Variants in EYS observed in about 807,000 individuals in gnomAD.
EYS encodes EGF-like photoreceptor maintenance factor, also known as protein eyes shut homolog.
Under a neutral mutation model 282.1 loss-of-function variants are expected in EYS, and 250 were observed. The observed-to-expected ratio is 0.89, with a 90% CI of 0.80 to 0.98. The LOEUF (loss-of-function observed/expected upper bound fraction) is 0.98. Among genes scored for constraint, EYS ranks in the 50% least tolerant of loss-of-function variants. The pLI, the probability that EYS is intolerant of heterozygous loss-of-function variation, is 0.00. For synonymous variants in EYS, 1,355 were observed against 1,282.9 expected (o/e 1.06, Z -1.20); for missense variants, 4,016 against 3,709.0 (o/e 1.08, Z -2.15).
In EYS at chr6:63,923,103, T is replaced by C. The variant is rs188053816; in HGVS notation, c.7056-58745A>G. Among the ~76,000 whole-genome samples, 30 of 152,332 alleles carry C rather than the reference T, an allele frequency of 2.0e-4. 1 individual carries two copies. The East Asian group carries it at 5.8e-3, about 29-fold the overall frequency. On this transcript the variant is annotated intron_variant, in intron 35 of 42. Coordinates refer to ENST00000503581, the MANE Select transcript of EYS (RefSeq NM_001142800.2). ...TAATGTTTCAGTCTGAAAGATGCCA[T>C]AGGCTGTTATAGGATGCTGTAAAAA...
intron 31 of EYS, among the ~76,000 whole-genome samples, chr6:64,140,465 C>T (rs1180416749): frequency 6.6e-6 from 1 of 152,146 alleles, no homozygotes; most frequent in Non-Finnish European, 1.5e-5. Flanking sequence ...TCTATTTCCA[C>T]CTGCCTCTCA....
At chr6:64,300,314 C>G (rs1187384040) in intron 30 of EYS, among the ~76,000 whole-genome samples, 1 of 152,146 alleles carries the variant, frequency 6.6e-6, no homozygotes, top group Admixed American at 6.5e-5. Context: ...AAAAGCAGCA[C>G]CTAGGCAAGT....
chr6:64,452,533 A>G (rs1173792831), intron 26 of EYS, among the ~76,000 whole-genome samples: 2 of 152,166 alleles, frequency 1.3e-5, no homozygotes, highest in Non-Finnish European at 2.9e-5. Flanking sequence ...GGAACCAAAA[A>G]AGAGCCCGCA....
intron 35 of EYS, among the ~76,000 whole-genome samples, chr6:63,963,121 A>C (rs1343929931): frequency 9.0e-6 from 1 of 111,284 alleles, no homozygotes; most frequent in Non-Finnish European, 1.9e-5. Flanking sequence ...GGGTGGGGGG[A>C]AGGGGGAGGC....
rs186479393 is a variant in EYS, at chr6:65,127,818, T to C, written c.2024-70091A>G. On this transcript the variant is annotated intron_variant, in intron 12 of 42. Transcript: ENST00000503581. ...GGGTGATGGGCTAAGACCTCATATA[T>C]TAAATATGTACAGAAAAAAATGTGT... Among the ~76,000 whole-genome samples the C allele has an allele frequency of 3.2e-4, 49 of 152,202 alleles. No individual in the cohort carries two copies. The East Asian group carries it at 8.3e-3, about 26-fold the overall frequency.
At chr6:65,623,712 T>A (rs77923693) in intron 2 of EYS, among the ~76,000 whole-genome samples, 1 of 152,322 alleles carries the variant, frequency 6.6e-6, no homozygotes, top group Non-Finnish European at 1.5e-5. Flanking sequence ...AACATGGAAT[T>A]ATTTTGTGAA....
intron 28 of EYS, among the ~76,000 whole-genome samples, chr6:64,432,063 T>C (rs1774591243): frequency 6.6e-6 from 1 of 152,132 alleles, no homozygotes; most frequent in African/African-American, 2.4e-5. Context: ...TGACTGTACA[T>C]AAACATAGCT....
intron 19 of EYS, among the ~76,000 whole-genome samples, chr6:64,860,488 G>C (rs1022340945): frequency 6.6e-6 from 1 of 152,246 alleles, no homozygotes. Context: ...CTGTGTGGTT[G>C]TGACTGGGCC....
intron 2 of EYS, among the ~76,000 whole-genome samples, chr6:65,597,875 C>A (rs941042005): frequency 6.6e-6 from 1 of 151,872 alleles, no homozygotes; most frequent in Admixed American, 6.6e-5. Flanking sequence ...TCAAGGCGGG[C>A]AGATCACTCG....
At chr6:65,410,798 G>C (rs1326481895) in intron 5 of EYS, among the ~76,000 whole-genome samples, 3 of 151,562 alleles carry the variant, frequency 2.0e-5, no homozygotes, top group Non-Finnish European at 2.9e-5. Flanking sequence ...ATCAACCTAA[G>C]TGTTCAACAA....
intron 41 of EYS, among the ~76,000 whole-genome samples, chr6:63,731,321 T>C (rs1561999228): frequency 6.6e-6 from 1 of 152,212 alleles, no homozygotes; most frequent in Non-Finnish European, 1.5e-5. Context: ...CGTGTGAATA[T>C]TGGCCATTTG....
rs3033931 is a variant in EYS, at chr6:64,989,799, TACACACACACAC to T, written c.2259+7771_2259+7782del. On this transcript the variant is annotated intron_variant, in intron 14 of 42. Transcript: ENST00000503581. ...ATATATAACATAGAATATATATTCA[TACACACACACAC>T]ACACACACACACACACACACACTCA... 4.7e-3 allele frequency among the ~76,000 whole-genome samples: 659 copies of T among 140,148 alleles called. 9 individuals are homozygous for T. Among genetic ancestry groups the T allele is most frequent in the African/African-American group, 0.016 (612 of 38,562 alleles). The allele number at this position is 140,148 out of a possible 152,430, so 91.9% of individuals were successfully genotyped here. A position where few individuals can be genotyped will look rare whatever the true frequency, so the allele number is the denominator to read the frequency against.
chr6:64,047,750 A>G (rs1770676688), intron 33 of EYS, among the ~76,000 whole-genome samples: 1 of 152,072 alleles, frequency 6.6e-6, no homozygotes, highest in East Asian at 1.9e-4. Context: ...TGCATCTTAG[A>G]AGGTTAAGTC....
intron 12 of EYS, among the ~76,000 whole-genome samples, chr6:65,214,171 A>C (rs1766251953): frequency 6.7e-6 from 1 of 148,900 alleles, no homozygotes; most frequent in Non-Finnish European, 1.5e-5. Flanking sequence ...AAAAAAAAAA[A>C]AAAAAAAAAA....
At chr6:63,893,115 T>C (rs898097505) in intron 35 of EYS, among the ~76,000 whole-genome samples, 2 of 152,218 alleles carry the variant, frequency 1.3e-5, no homozygotes, top group East Asian at 3.9e-4. Flanking sequence ...TAGGACACTT[T>C]TACACTGTTG....
intron 30 of EYS, among the ~76,000 whole-genome samples, chr6:64,256,972 T>C (rs1390045439): frequency 6.6e-6 from 1 of 152,066 alleles, no homozygotes; most frequent in Non-Finnish European, 1.5e-5. Flanking sequence ...GCACAATTAT[T>C]TGTTTCTTGC....
chr6:65,275,497 T>A (rs986961995), intron 12 of EYS, among the ~76,000 whole-genome samples: 132 of 152,170 alleles, frequency 8.7e-4, no homozygotes, highest in Non-Finnish European at 2.6e-4. Context: ...GGTTGCCACT[T>A]CTGCCACACT....
chr6:64,663,602 C>T (rs1275381306), intron 22 of EYS, among the ~76,000 whole-genome samples: 3 of 152,142 alleles, frequency 2.0e-5, no homozygotes, highest in African/African-American at 7.2e-5. Flanking sequence ...AAAAGTGAGC[C>T]TGCAATTCTC....
rs574479944 is a variant in EYS, at chr6:64,891,685, A to T, written c.2847-4843T>A. ...TAGAGAAAAATTAAATGTAAACCTG[A>T]TTTTTATTAATGTCCTAAGTGATCC... On this transcript the variant is annotated intron_variant, in intron 18 of 42. Coordinates refer to ENST00000503581, the MANE Select transcript of EYS (RefSeq NM_001142800.2). Among the ~76,000 whole-genome samples the T allele has an allele frequency of 3.9e-5, 6 of 152,166 alleles. No homozygotes were observed. The South Asian group carries it at 1.2e-3, about 32-fold the overall frequency.
Sources: gnomAD v4.1 joint callset for allele counts (sites outside exome capture counted in the v4.1 genomes callset) on GRCh38, gnomAD v4.1.1 for gene constraint, MANE v1.5 for transcripts, NCBI Gene and HGNC (gene_info 2026-07-23, HGNC 2026-07-21) for gene names.